ALKBH3: variants seen among roughly 807,000 people sequenced by gnomAD.
ALKBH3 encodes alkB homolog 3, alpha-ketoglutarate dependent dioxygenase, also known as alpha-ketoglutarate-dependent dioxygenase alkB homolog 3.
Under a neutral mutation model 43.9 loss-of-function variants are expected in ALKBH3, and 51 were observed. The ratio of observed to expected loss-of-function variants is 1.16; its 90% CI spans 0.93 to 1.47. The LOEUF (loss-of-function observed/expected upper bound fraction) is 1.47. Among genes scored for constraint, ALKBH3 ranks in the 40% most tolerant of loss-of-function variants. The probability of loss-of-function intolerance (pLI) is 0.00; values close to 1 mark genes in which losing one functional copy is unlikely to be tolerated. For synonymous variants in ALKBH3, 102 were observed against 115.2 expected (o/e 0.89, Z 0.73); for missense variants, 361 against 351.9 (o/e 1.03, Z -0.21).
chr11:43,900,219 T>G (rs1176829609), intron 7 of ALKBH3, among the ~76,000 whole-genome samples: 1 of 124,762 alleles, frequency 8.0e-6, no homozygotes, highest in Admixed American at 8.1e-5. Flanking sequence ...AATTTAATTT[T>G]TTTTTTTTTT....
intron 7 of ALKBH3, chr11:43,898,111 C>A: frequency 9.0e-7 from 1 of 1,107,594 alleles, no homozygotes; most frequent in Non-Finnish European, 1.4e-6. Context: ...CCCCAGTGCA[C>A]CTGAGCCCGT....
rs1296899308 is a variant in ALKBH3 at position 43,892,148 on chromosome 11, A to G, written c.459+19A>G. On this transcript the variant is annotated intron_variant, in intron 7 of 9. Coordinates refer to ENST00000302708, the MANE Select transcript of ALKBH3 (RefSeq NM_139178.4). ...TCCTCACGTATGTCAACATATTGTC[A>G]TTGGTATGGTTTTATAGACTATATA... 1.2e-5 allele frequency: 19 copies of G among 1,573,014 alleles called. No individual in the cohort carries two copies. The highest frequency in any genetic ancestry group is 4.5e-5 in the East Asian group (2 of 44,694).
chr11:43,916,228 T>C (rs931489886), intron 8 of ALKBH3, among the ~76,000 whole-genome samples: 1 of 152,112 alleles, frequency 6.6e-6, no homozygotes, highest in African/African-American at 2.4e-5. Context: ...ACATCCAGAT[T>C]TTTTCACCCC....
intron 7 of ALKBH3, chr11:43,899,088 A>G (rs1416421805): frequency 5.3e-6 from 4 of 754,154 alleles, no homozygotes; most frequent in African/African-American, 3.4e-5. Context: ...GAATTTTGAC[A>G]TGTACAAAGG....
intron 8 of ALKBH3, among the ~76,000 whole-genome samples, chr11:43,906,830 A>T (rs902770165): frequency 2.0e-5 from 3 of 152,210 alleles, no homozygotes; most frequent in Non-Finnish European, 4.4e-5. Context: ...TCTATCCCTG[A>T]TGTTGCCAAA....
intron 8 of ALKBH3, among the ~76,000 whole-genome samples, chr11:43,918,304 T>C (rs966296228): frequency 3.9e-5 from 6 of 152,222 alleles, no homozygotes; most frequent in African/African-American, 1.4e-4. Flanking sequence ...TGGACATAAA[T>C]TGCTTTTGAG....
intron 8 of ALKBH3, chr11:43,910,011 T>A (rs114765868): frequency 6.6e-6 from 1 of 152,356 alleles, no homozygotes; most frequent in African/African-American, 2.4e-5. Context: ...TCTCTCTTCC[T>A]TGTAATATTG....
intron 6 of ALKBH3, among the ~76,000 whole-genome samples, chr11:43,890,540 G>A (rs1951776499): frequency 6.6e-6 from 1 of 152,160 alleles, no homozygotes; most frequent in Non-Finnish European, 1.5e-5. Context: ...TGTGGATACT[G>A]AAATTCATGT....
At position 43,883,990 on chromosome 11, in the gene ALKBH3, G is replaced by C. The variant is rs147054520; in HGVS notation, c.191G>C (p.Arg64Pro). The C allele has an allele frequency of 6.2e-7, 1 of 1,613,714 alleles. No homozygotes were observed. Among genetic ancestry groups the C allele is most frequent in the Non-Finnish European group, 8.5e-7 (1 of 1,179,856 alleles). ...FVFKEPQQVV[R>P]RAPEPRVIDR... ...CCGCCTATTTCCTTGCAGGTAGTACGTAGAGCTCCTGAGCCACGAGTGATT... is the reference window on the plus strand; with the variant it reads ...CCGCCTATTTCCTTGCAGGTAGTACCTAGAGCTCCTGAGCCACGAGTGATT... The change falls in exon 4 of 10, where the codon CGT becomes CCT. Residue 64 changes from arginine to proline, a missense_variant. Transcript: ENST00000302708.
chr11:43,898,808 T>C, intron 7 of ALKBH3: 1 of 765,378 alleles, frequency 1.3e-6, no homozygotes, highest in Middle Eastern at 2.3e-4. Flanking sequence ...AGAAGGAAAT[T>C]CCTCATTTAT....
chr11:43,884,230 A>G (rs1565122145), intron 4 of ALKBH3, among the ~76,000 whole-genome samples: 1 of 152,188 alleles, frequency 6.6e-6, no homozygotes, highest in Non-Finnish European at 1.5e-5. Context: ...CAAGATATCC[A>G]TATGTTAAAC....
rs371434228 is a variant in ALKBH3 at position 43,891,581 on chromosome 11, C to A, written c.371-460C>A. On this transcript the variant is annotated intron_variant, in intron 6 of 9. Coordinates refer to ENST00000302708, the MANE Select transcript of ALKBH3 (RefSeq NM_139178.4). ...AGCTGCATGCCACAGTTGGTCAGGGCACTTTTTCCTCCCTTGAATCAAAAA... is the reference window on the plus strand; with the variant it reads ...AGCTGCATGCCACAGTTGGTCAGGGAACTTTTTCCTCCCTTGAATCAAAAA... Among the ~76,000 whole-genome samples, 298 of 152,260 alleles carry A rather than the reference C, an allele frequency of 2.0e-3. 3 individuals are homozygous for A. Among genetic ancestry groups the A allele is most frequent in the African/African-American group, 7.0e-3 (290 of 41,546 alleles).
chr11:43,917,202 C>T (rs993033362), intron 8 of ALKBH3, among the ~76,000 whole-genome samples: 3 of 152,220 alleles, frequency 2.0e-5, no homozygotes, highest in African/African-American at 2.4e-5. Context: ...GATCATTGAA[C>T]ATCACTTTCC....
rs923127815 is a variant in ALKBH3 at position 43,905,919 on chromosome 11, C to T, written c.669+4194C>T. On this transcript the variant is annotated intron_variant, in intron 8 of 9. Transcript: ENST00000302708. ...ATTTGGCAGGCTGCTATTTCTCTGT[C>T]GGTTACCATGGAAACAGTGATGGCT... Among the ~76,000 whole-genome samples, 5 of 152,158 alleles carry T rather than the reference C, an allele frequency of 3.3e-5. No individual in the cohort carries two copies. The South Asian group carries it at 6.2e-4, about 19-fold the overall frequency.
chr11:43,898,645 T>A, intron 7 of ALKBH3: 1 of 729,986 alleles, frequency 1.4e-6, no homozygotes, highest in Non-Finnish European at 2.6e-6. Context: ...CATGCGCCAC[T>A]TATGGAGACC....
chr11:43,915,787 G>A (rs1490753069), intron 8 of ALKBH3, among the ~76,000 whole-genome samples: 1 of 152,190 alleles, frequency 6.6e-6, no homozygotes, highest in Non-Finnish European at 1.5e-5. Flanking sequence ...GGAAGACTCT[G>A]TGTGTATGTT....
At chr11:43,916,634 A>G (rs1211621821) in intron 8 of ALKBH3, 1 of 152,214 alleles carries the variant, frequency 6.6e-6, no homozygotes, top group African/African-American at 2.4e-5. Context: ...AACCACGCTT[A>G]ATGACTAGGA....
At chr11:43,898,128 C>A in intron 7 of ALKBH3, 1 of 1,147,320 alleles carries the variant, frequency 8.7e-7, no homozygotes, top group Non-Finnish European at 1.3e-6. Flanking sequence ...CCGTGGTGGG[C>A]ATCCCTGATA....
chr11:43,903,378 C>T (rs12363070), intron 8 of ALKBH3, among the ~76,000 whole-genome samples: 27,149 of 152,188 alleles, frequency 0.18, 2,745 homozygotes, highest in South Asian at 0.33. Flanking sequence ...CTTAGTAAGA[C>T]TCCTGTTGCA....
Sources: allele counts gnomAD v4.1 joint callset (sites outside exome capture counted in the v4.1 genomes callset), GRCh38; gene constraint gnomAD v4.1.1; transcripts MANE v1.5; gene names NCBI Gene and HGNC (gene_info 2026-07-23, HGNC 2026-07-21).